Variants in SETDB2 observed in about 807,000 individuals in gnomAD.
SETDB2 encodes histone-lysine N-methyltransferase SETDB2.
SETDB2 carries 56 observed loss-of-function variants against 82.5 expected under a neutral mutation model. The observed-to-expected ratio is 0.68, with a 90% CI of 0.55 to 0.85. The LOEUF is 0.85. SETDB2 is among the 40% of genes least tolerant of loss of function. The probability of loss-of-function intolerance (pLI) is 0.00; values close to 1 mark genes in which losing one functional copy is unlikely to be tolerated. For synonymous variants in SETDB2, 272 were observed against 284.9 expected (o/e 0.95, Z 0.46); for missense variants, 677 against 816.4 (o/e 0.83, Z 2.08).
At chr13:49,487,533 G>A (rs1958621507) in intron 11 of SETDB2, among the ~76,000 whole-genome samples, 1 of 151,984 alleles carries the variant, frequency 6.6e-6, no homozygotes, top group Admixed American at 6.6e-5. Flanking sequence ...TGTAGAGATG[G>A]GGTCTCACTT....
At chr13:49,484,426 T>G (rs1313246931) in intron 10 of SETDB2, among the ~76,000 whole-genome samples, 1 of 152,070 alleles carries the variant, frequency 6.6e-6, no homozygotes, top group Non-Finnish European at 1.5e-5. Flanking sequence ...CCTGCCACCA[T>G]GCCCAGCTAC....
intron 5 of SETDB2, 30 bp from the exon 6 acceptor site, chr13:49,476,446 G>T: frequency 7.3e-7 from 1 of 1,375,982 alleles, no homozygotes; most frequent in South Asian, 1.4e-5. Flanking sequence ...CTATAAATTT[G>T]AGATACTAAT....
intron 5 of SETDB2, among the ~76,000 whole-genome samples, chr13:49,471,422 T>C (rs1278416651): frequency 8.9e-6 from 1 of 112,674 alleles, no homozygotes; most frequent in Non-Finnish European, 1.9e-5. Flanking sequence ...TGAATTCCCT[T>C]TTTTTTTTTT....
Position 49,488,307 on chromosome 13 carries a change from C to A in SETDB2, c.1594C>A (p.His532Asn). The change falls in exon 12 of 14, where the codon CAT (histidine) becomes AAT (asparagine). Residue 532 changes from histidine to asparagine, a missense_variant. His to Asn is a moderately conservative substitution (Grantham distance 68). Around this residue, in one of 3 missense-constraint regions of SETDB2, gnomAD observed 420 missense variants for 554.6 expected, o/e 0.76. Transcript: ENST00000611815. ...TCTATTAGAGGACTCAAGTTCAAACCATGTTGATGAGTTTGAAGATAATCT... is the reference window on the plus strand; with the variant it reads ...TCTATTAGAGGACTCAAGTTCAAACAATGTTGATGAGTTTGAAGATAATCT... ...KGAQKDSSSN[H>N]VDEFEDNLLI... 1 of 1,585,472 alleles carries A rather than the reference C, an allele frequency of 6.3e-7. No individual in the cohort carries two copies. The highest frequency in any genetic ancestry group is 1.2e-5 in the South Asian group (1 of 85,298).
intron 9 of SETDB2, among the ~76,000 whole-genome samples, 189 bp from the exon 10 acceptor site, chr13:49,483,275 A>T (rs1008401438): frequency 6.6e-6 from 1 of 152,064 alleles, no homozygotes; most frequent in African/African-American, 2.4e-5. Flanking sequence ...TCCTTTTCCA[A>T]ATGTACTTCA....
At chr13:49,475,750 A>G (rs924344925) in intron 5 of SETDB2, among the ~76,000 whole-genome samples, 2 of 151,702 alleles carry the variant, frequency 1.3e-5, no homozygotes, top group African/African-American at 4.8e-5. Flanking sequence ...GGCCTCTCAA[A>G]GTGCTGGGAT....
chr13:49,474,666 A>C (rs1958319715), intron 5 of SETDB2, among the ~76,000 whole-genome samples: 1 of 152,236 alleles, frequency 6.6e-6, no homozygotes, highest in Non-Finnish European at 1.5e-5. Context: ...GGTCTAGCCT[A>C]TACTACATGT....
chr13:49,488,265 T>C, intron 11 of SETDB2, 25 bp from the exon 12 acceptor site: 1 of 1,546,234 alleles, frequency 6.5e-7, no homozygotes, highest in Non-Finnish European at 8.7e-7. Context: ...TATTTCCTGA[T>C]GTTTCCTTCC....
intron 6 of SETDB2, among the ~76,000 whole-genome samples, chr13:49,477,296 T>C (rs1958386898): frequency 6.6e-6 from 1 of 151,918 alleles, no homozygotes; most frequent in Non-Finnish European, 1.5e-5. Flanking sequence ...ATTAGCTGGG[T>C]ATGGTGGTGT....
Position 49,483,455 on chromosome 13 carries a change from C to T in SETDB2, c.1383-9C>T, listed in dbSNP as rs1179928572. The T allele has an allele frequency of 8.4e-7, 1 of 1,196,918 alleles. No individual in the cohort carries two copies. 74.1% of individuals were successfully genotyped at this position (1,196,918 alleles called of 1,614,324 possible). ...TAGTGATACAGAATAACTTTTTTTT[C>T]CTTTTTAGGGAAACGAAATATGATA... On this transcript the variant is annotated splice_polypyrimidine_tract_variant and intron_variant, in intron 9 of 13. Coordinates refer to ENST00000611815, the MANE Select transcript of SETDB2 (RefSeq NM_001160308.3).
intron 13 of SETDB2, 31 bp from the exon 14 acceptor site, chr13:49,491,701 T>G: frequency 6.0e-6 from 9 of 1,499,620 alleles, no homozygotes; most frequent in Non-Finnish European, 7.4e-6. Flanking sequence ...TTAGGGTATT[T>G]TATGATTCTT....
chr13:49,476,165 T>A (rs2138939353), intron 5 of SETDB2, among the ~76,000 whole-genome samples: 1 of 152,268 alleles, frequency 6.6e-6, no homozygotes, highest in Non-Finnish European at 1.5e-5. Context: ...GGTGCGTGCC[T>A]ATACCAGCTA....
intron 4 of SETDB2, among the ~76,000 whole-genome samples, chr13:49,463,748 A>C (rs1037297570): frequency 1.3e-5 from 2 of 152,214 alleles, no homozygotes. Context: ...ATAAAACAGA[A>C]TACTTGAAGT....
chr13:49,476,517 T>G lies in SETDB2; in HGVS notation c.347T>G (p.Val116Gly). The change falls in exon 6 of 14, where the codon GTT becomes GGT. Residue 116 changes from valine (V) to glycine (G), a missense_variant. By Grantham distance (109) the Val-to-Gly change is moderately radical. Coordinates refer to ENST00000611815, the MANE Select transcript of SETDB2 (RefSeq NM_001160308.3). ...NKEILSLEDK[V>G]VDFREKDSSS... ...GAAATTCTCTCTCTTGAAGATAAAG[T>G]TGTAGACTTTAGAGAAAAAGACTCA... 2.5e-6 allele frequency: 4 copies of G among 1,610,262 alleles called. No homozygotes were observed. The highest frequency in any genetic ancestry group is 3.4e-6 in the Non-Finnish European group (4 of 1,178,278).
intron 4 of SETDB2, among the ~76,000 whole-genome samples, chr13:49,466,641 TTTTA>T (rs1231483080): frequency 1.3e-5 from 2 of 152,190 alleles, no homozygotes; most frequent in East Asian, 1.9e-4. Flanking sequence ...ACTATCAGAC[TTTTA>T]TTTATTCATT....
intron 8 of SETDB2, chr13:49,482,434 A>C (rs185422265): frequency 2.3e-4 from 117 of 509,888 alleles, no homozygotes; most frequent in Non-Finnish European, 4.0e-5. Context: ...TCATCTCTCT[A>C]ATTTTCTAGA....
chr13:49,453,303 CT>C (rs199758121), intron 2 of SETDB2, among the ~76,000 whole-genome samples: 62 of 143,710 alleles, frequency 4.3e-4, no homozygotes, highest in Admixed American at 4.2e-4. Context: ...TCTTTTTTTT[CT>C]TTTTTTTTTT....
chr13:49,460,469 G>A (rs1957970665), intron 3 of SETDB2, among the ~76,000 whole-genome samples: 1 of 151,840 alleles, frequency 6.6e-6, no homozygotes, highest in Non-Finnish European at 1.5e-5. Context: ...GGCACTTATA[G>A]AAAAATATAA....
chr13:49,490,821 G>C lies in SETDB2; in HGVS notation c.1918-1G>C, dbSNP rs752023961. 1 of 1,605,130 alleles carries C rather than the reference G, an allele frequency of 6.2e-7. No homozygotes were observed. The highest frequency in any genetic ancestry group is 1.1e-5 in the South Asian group (1 of 90,194). On this transcript the variant is annotated splice_acceptor_variant, in intron 12 of 13. Transcript: ENST00000611815. LOFTEE classifies it high-confidence loss of function. ...CCTTTGTGTTTATTTTTATTTAACA[G>C]CATAGTTGTTGCCCAAATCTCTTGG...
Sources: gnomAD v4.1 joint callset for allele counts (sites outside exome capture counted in the v4.1 genomes callset) on GRCh38, gnomAD v4.1.1 for gene constraint, gnomAD v4.1.1 regional missense constraint, MANE v1.5 for transcripts, NCBI Gene and HGNC (gene_info 2026-07-23, HGNC 2026-07-21) for gene names.